PTPRT: variants seen among roughly 807,000 people sequenced by gnomAD.
PTPRT encodes the protein receptor-type tyrosine-protein phosphatase T.
PTPRT carries 56 observed loss-of-function variants against 176.8 expected under a neutral mutation model. The observed-to-expected ratio is 0.32, with a 90% CI of 0.26 to 0.40. The LOEUF (loss-of-function observed/expected upper bound fraction) is 0.40, where lower values mean the gene tolerates loss of function less well. Ranked by LOEUF, PTPRT falls within the 10% of genes least tolerant of loss-of-function variation. PTPRT has a pLI of 1.00. For missense variants in PTPRT, 1,540 were observed against 1,908.2 expected (o/e 0.81, Z 3.60); for synonymous variants, 783 against 739.0 (o/e 1.06, Z -0.96).
At chr20:43,149,453 G>A (rs2014273038) in intron 1 of PTPRT, among the ~76,000 whole-genome samples, 1 of 152,184 alleles carries the variant, frequency 6.6e-6, no homozygotes, top group South Asian at 2.1e-4. Flanking sequence ...AGTCAAGGGA[G>A]GTATTTGAGA....
intron 1 of PTPRT, among the ~76,000 whole-genome samples, chr20:42,899,029 C>G (rs758333656): frequency 2.6e-5 from 4 of 152,078 alleles, no homozygotes; most frequent in Non-Finnish European, 5.9e-5. Flanking sequence ...GATTCCAATG[C>G]TCTATCAAAT....
At chr20:43,137,201 T>A (rs2867652) in intron 1 of PTPRT, among the ~76,000 whole-genome samples, 1,944 of 152,260 alleles carry the variant, frequency 0.013, 17 homozygotes, top group East Asian at 0.043. Flanking sequence ...CAGCATGTTA[T>A]GGGTACATGG....
intron 15 of PTPRT, among the ~76,000 whole-genome samples, chr20:42,220,721 TA>T (rs1433842349): frequency 2.0e-5 from 3 of 152,194 alleles, no homozygotes; most frequent in Non-Finnish European, 4.4e-5. Flanking sequence ...TAAATTGGAA[TA>T]AAATTCTCTC....
At chr20:43,129,507 G>A (rs2013570797) in intron 1 of PTPRT, among the ~76,000 whole-genome samples, 1 of 151,756 alleles carries the variant, frequency 6.6e-6, no homozygotes, top group Non-Finnish European at 1.5e-5. Context: ...TGACTGATGT[G>A]TGATCCTCTG....
intron 14 of PTPRT, among the ~76,000 whole-genome samples, chr20:42,240,904 A>G (rs574842123): frequency 1.3e-5 from 2 of 152,368 alleles, no homozygotes; most frequent in Non-Finnish European, 2.9e-5. Context: ...AGCAGATGAT[A>G]ATAGCTGTCA....
intron 17 of PTPRT, among the ~76,000 whole-genome samples, chr20:42,160,198 C>G (rs1989529629): frequency 6.6e-6 from 1 of 151,456 alleles, no homozygotes; most frequent in East Asian, 1.9e-4. Context: ...CCATGGTACA[C>G]AGAAGATACT....
intron 7 of PTPRT, among the ~76,000 whole-genome samples, chr20:42,665,836 C>T (rs147838686): frequency 0.03 from 4,561 of 151,098 alleles, 210 homozygotes; most frequent in African/African-American, 0.094. Context: ...AGCAAACTCT[C>T]GCAAGGACAA....
chr20:42,972,431 G>T (rs1204918183), intron 1 of PTPRT, among the ~76,000 whole-genome samples: 1 of 151,638 alleles, frequency 6.6e-6, no homozygotes, highest in African/African-American at 2.4e-5. Context: ...GGAGGCCGAG[G>T]TGAGCAGATA....
intron 6 of PTPRT, among the ~76,000 whole-genome samples, chr20:42,690,609 C>T (rs1401217505): frequency 6.6e-6 from 1 of 152,198 alleles, no homozygotes; most frequent in East Asian, 1.9e-4. Context: ...AAGTCTACCT[C>T]AATTTCCCTG....
chr20:43,118,862 T>C (rs1462512245), intron 1 of PTPRT, among the ~76,000 whole-genome samples: 1 of 152,204 alleles, frequency 6.6e-6, no homozygotes, highest in Non-Finnish European at 1.5e-5. Flanking sequence ...GTTGGTTCAG[T>C]AGTTTTCAAG....
intron 7 of PTPRT, among the ~76,000 whole-genome samples, chr20:42,565,313 C>T (rs2073019898): frequency 6.6e-6 from 1 of 152,190 alleles, no homozygotes; most frequent in Non-Finnish European, 1.5e-5. Context: ...AAGTGCATCC[C>T]ACCACTCAGA....
intron 6 of PTPRT, among the ~76,000 whole-genome samples, chr20:42,755,737 T>C (rs2076821866): frequency 6.6e-6 from 1 of 152,198 alleles, no homozygotes; most frequent in Admixed American, 6.5e-5. Context: ...GAGGTGCTAA[T>C]TGTTACATAC....
chr20:42,256,183 G>A (rs1352892774), intron 13 of PTPRT, among the ~76,000 whole-genome samples: 10 of 152,152 alleles, frequency 6.6e-5, no homozygotes, highest in Non-Finnish European at 1.2e-4. Flanking sequence ...AAGATGCTGG[G>A]CAACTTTCTG....
At chr20:42,372,279 CTTTT>C (rs10588893) in intron 9 of PTPRT, among the ~76,000 whole-genome samples, 12 of 83,658 alleles carry the variant, frequency 1.4e-4, no homozygotes, top group Admixed American at 2.8e-4. Flanking sequence ...TTTCTTAACT[CTTTT>C]TTTTTTTTTT....
At chr20:42,793,111 A>G (rs188726221) in intron 2 of PTPRT, among the ~76,000 whole-genome samples, 1 of 152,234 alleles carries the variant, frequency 6.6e-6, no homozygotes, top group Admixed American at 6.5e-5. Flanking sequence ...GTTTGTACCA[A>G]AAGGTAGCCA....
At chr20:42,804,432 A>G (rs1378840741) in intron 2 of PTPRT, among the ~76,000 whole-genome samples, 2 of 152,192 alleles carry the variant, frequency 1.3e-5, no homozygotes, top group Non-Finnish European at 2.9e-5. Flanking sequence ...TAGACCACCA[A>G]AGATACTGTC....
At chr20:42,195,602 A>C (rs1372943967) in intron 16 of PTPRT, among the ~76,000 whole-genome samples, 1 of 152,234 alleles carries the variant, frequency 6.6e-6, no homozygotes, top group East Asian at 1.9e-4. Context: ...CGTCAGATGC[A>C]TAGAGAGTCC....
chr20:42,843,714 G>A (rs1240184810), intron 2 of PTPRT, among the ~76,000 whole-genome samples: 1 of 152,232 alleles, frequency 6.6e-6, no homozygotes, highest in East Asian at 1.9e-4. Context: ...GCTCCAAGGA[G>A]GAAAGTAAGC....
intron 9 of PTPRT, among the ~76,000 whole-genome samples, chr20:42,359,635 C>A (rs938710997): frequency 6.6e-6 from 1 of 152,240 alleles, no homozygotes; most frequent in African/African-American, 2.4e-5. Context: ...GCGACTGAAG[C>A]TCTATTTTGT....
Sources: gnomAD v4.1 joint callset for allele counts (sites outside exome capture counted in the v4.1 genomes callset) on GRCh38, gnomAD v4.1.1 for gene constraint, MANE v1.5 for transcripts, NCBI Gene and HGNC (gene_info 2026-07-23, HGNC 2026-07-21) for gene names.